PGAP4: variants seen among roughly 807,000 people sequenced by gnomAD.
The protein encoded by PGAP4 is GPI-N-acetylgalactosamine transferase PGAP4.
In PGAP4, 12 loss-of-function variants were observed where a neutral mutation model predicts 28.2. That is an observed-to-expected ratio of 0.42 (90% CI 0.27 to 0.69). PGAP4 has a LOEUF of 0.69. Among genes scored for constraint, PGAP4 ranks in the 30% least tolerant of loss-of-function variants. PGAP4 has a pLI of 0.22. For missense variants in PGAP4, 425 were observed against 513.5 expected, an observed-to-expected ratio of 0.83 and a Z score of 1.67; for synonymous variants, 205 against 211.8, an observed-to-expected ratio of 0.97 and a Z score of 0.28.
chr9:101,508,082 C>T (rs1826863513), intron 2 of PGAP4, among the ~76,000 whole-genome samples: 1 of 151,412 alleles, frequency 6.6e-6, no homozygotes, highest in South Asian at 2.1e-4. Context: ...CATTATTTCC[C>T]ATCTTGATTT....
At chr9:101,477,615 T>A (rs1826365213) in intron 1 of PGAP4, among the ~76,000 whole-genome samples, 1 of 152,198 alleles carries the variant, frequency 6.6e-6, no homozygotes, top group Non-Finnish European at 1.5e-5. Context: ...AAATACTTGT[T>A]GATTAACTGT....
chr9:101,514,454 A>G (rs192625364), intron 2 of PGAP4, among the ~76,000 whole-genome samples: 1 of 152,210 alleles, frequency 6.6e-6, no homozygotes, highest in African/African-American at 2.4e-5. Flanking sequence ...AAAATTTTAT[A>G]AGTCAGATTA....
intron 2 of PGAP4, among the ~76,000 whole-genome samples, chr9:101,513,865 C>T (rs1826919701): frequency 6.6e-6 from 1 of 152,118 alleles, no homozygotes; most frequent in Admixed American, 6.6e-5. Flanking sequence ...AATTCTCAGT[C>T]CAAGGCTGAA....
intron 2 of PGAP4, among the ~76,000 whole-genome samples, chr9:101,516,602 T>C (rs369288053): frequency 5.9e-5 from 9 of 152,342 alleles, no homozygotes; most frequent in African/African-American, 1.2e-4. Flanking sequence ...TAAAATATGT[T>C]GATATGACTT....
intron 2 of PGAP4, among the ~76,000 whole-genome samples, chr9:101,502,050 G>T (rs368029233): frequency 2.6e-5 from 4 of 152,256 alleles, no homozygotes; most frequent in African/African-American, 2.4e-5. Context: ...CAAATGTCCA[G>T]CTTAGAGTCG....
At chr9:101,487,653 A>G (rs1826645817), upstream of PGAP4, among the ~76,000 whole-genome samples, 1 of 152,204 alleles carries the variant, frequency 6.6e-6, no homozygotes, top group African/African-American at 2.4e-5. Context: ...ACACAATTGT[A>G]CGGCCTTACT....
intron 1 of PGAP4, 101 bp from the exon 2 acceptor site, chr9:101,477,270 C>G (rs1261819272): frequency 7.2e-6 from 6 of 834,784 alleles, no homozygotes; most frequent in Non-Finnish European, 1.0e-5. Flanking sequence ...CAGCACATAT[C>G]AAACCAGAAA....
intron 2 of PGAP4, among the ~76,000 whole-genome samples, chr9:101,502,943 T>G (rs1430774686): frequency 6.6e-6 from 1 of 152,044 alleles, no homozygotes. Flanking sequence ...TTGATAAAAA[T>G]ATTTTTCAGT....
intron 2 of PGAP4, among the ~76,000 whole-genome samples, chr9:101,501,149 A>G (rs999144479): frequency 6.6e-6 from 1 of 152,126 alleles, no homozygotes; most frequent in African/African-American, 2.4e-5. Context: ...CAGGATATCC[A>G]GCATGAAGCC....
rs551121223 is a variant in PGAP4, at chr9:101,519,871, T to G, written c.-165+11477A>C. Among the ~76,000 whole-genome samples, 22 of 152,306 alleles carry G rather than the reference T, an allele frequency of 1.4e-4. No individual in the cohort carries two copies. In the South Asian group the frequency reaches 4.1e-3, roughly 29 times the overall value. On this transcript the variant is annotated intron_variant, in intron 2 of 3. Transcript: ENST00000374851. ...GGTTTCAGGTCTTAGGTTTAAGAGCTTAATCCATCTTGGGTTGATTTTGTA... is the reference window on the plus strand; with the variant it reads ...GGTTTCAGGTCTTAGGTTTAAGAGCGTAATCCATCTTGGGTTGATTTTGTA...
At chr9:101,514,829 G>A (rs1826929915) in intron 2 of PGAP4, among the ~76,000 whole-genome samples, 1 of 152,114 alleles carries the variant, frequency 6.6e-6, no homozygotes, top group African/African-American at 2.4e-5. Context: ...TTGATCAGGT[G>A]TGAACCATTT....
At position 101,476,869 on chromosome 9, in the gene PGAP4, G is replaced by C; in HGVS notation, c.224C>G (p.Ala75Gly). 6.2e-7 allele frequency: 1 copy of C among 1,611,696 alleles called. No individual in the cohort carries two copies. The highest frequency in any genetic ancestry group is 8.5e-7 in the Non-Finnish European group (1 of 1,178,796). Residue 75 changes from alanine to glycine, a missense_variant, in exon 2 of 2, where the codon GCT (alanine) becomes GGT (glycine). Transcript: ENST00000374848. The surrounding 1 kb of genome is among the most constrained non-coding windows in gnomAD (Gnocchi z 7.0). ...FLQQSLKEGE[A>G]ALHYFEELPS... The stretch of plus-strand genomic sequence containing the variant: ...AAGCTCCTCAAAATAGTGGAGGGCA[G>C]CCTCACCCTCTTTCAAGCTTTGCTG...
At chr9:101,505,684 T>G (rs1826843325) in intron 2 of PGAP4, among the ~76,000 whole-genome samples, 1 of 152,102 alleles carries the variant, frequency 6.6e-6, no homozygotes, top group Non-Finnish European at 1.5e-5. Flanking sequence ...TTAAAGAATT[T>G]TCCAAACCTA....
Position 101,476,835 on chromosome 9 carries a change from G to T in PGAP4, c.258C>A (p.Ala86=), listed in dbSNP as rs748865082. The T allele has an allele frequency of 1.9e-6, 3 of 1,608,914 alleles. No individual in the cohort carries two copies. The East Asian group carries it at 6.7e-5, about 36-fold the overall frequency. ...ALHYFEELPS[A]NGSVPIVWQA... ...GCCAGACAATGGGCACTGAGCCATT[G>T]GCAGAGGGAAGCTCCTCAAAATAGT... is the stretch of plus-strand genomic sequence containing the variant. Residue 86 remains alanine, a synonymous_variant, in exon 2 of 2, where the codon GCC becomes GCA. Coordinates refer to ENST00000374848, the MANE Select transcript of PGAP4 (RefSeq NM_032342.3). This position sits in a 1 kb window ranked among gnomAD's most constrained non-coding sequence, Gnocchi z 7.0.
intron 2 of PGAP4, among the ~76,000 whole-genome samples, chr9:101,494,194 A>G (rs1276836482): frequency 2.0e-5 from 3 of 152,006 alleles, no homozygotes; most frequent in Non-Finnish European, 4.4e-5. Flanking sequence ...ACATTTAAAA[A>G]TATGACATTT....
At position 101,476,315 on chromosome 9, in the gene PGAP4, T is replaced by C; in HGVS notation, c.778A>G (p.Met260Val). 1 of 1,613,996 alleles carries C rather than the reference T, an allele frequency of 6.2e-7. No homozygotes were observed. Among genetic ancestry groups the C allele is most frequent in the Non-Finnish European group, 8.5e-7 (1 of 1,179,990 alleles). ...RLQHYINPEP[M>V]RILEWVGVGM... ...ACACCAACCCATTCCAGGATCCGCA[T>C]GGGCTCTGGATTGATGTAGTGCTGG... The change falls in exon 2 of 2, where the codon ATG becomes GTG. Residue 260 changes from methionine to valine, a missense_variant. By Grantham distance (21) the Met-to-Val change is conservative. Transcript: ENST00000374848. This position sits in a 1 kb window ranked among gnomAD's most constrained non-coding sequence, Gnocchi z 7.0.
chr9:101,523,619 CTTTTTTTTTTTTTTTTTTTT>C lies in PGAP4; in HGVS notation c.-165+7709_-165+7728del, dbSNP rs71356369. 7.5e-3 allele frequency among the ~76,000 whole-genome samples: 446 copies of C among 59,396 alleles called. 8 individuals are homozygous for C. Among genetic ancestry groups the C allele is most frequent in the African/African-American group, 0.026 (373 of 14,164 alleles). 39.0% of individuals were successfully genotyped at this position (59,396 alleles called of 152,430 possible). On this transcript the variant is annotated intron_variant, in intron 2 of 3. Transcript: ENST00000374851. ...ACATTTCTCCCCTCACTTCTTGTATCTTTTTTTTTTTTTTTTTTTTTTTTTTTTTTTTTGGATTTCCTTGC... is the reference window on the plus strand; with the variant it reads ...ACATTTCTCCCCTCACTTCTTGTATCTTTTTTTTTTTTTGGATTTCCTTGC...
chr9:101,521,690 T>G (rs1468163701), intron 2 of PGAP4, among the ~76,000 whole-genome samples: 8 of 152,102 alleles, frequency 5.3e-5, no homozygotes, highest in African/African-American at 1.7e-4. Flanking sequence ...TTGTATTTTT[T>G]GTTTGTTTGT....
In PGAP4 at chr9:101,486,038, C is replaced by G. The variant is rs890767939; in HGVS notation, c.-78+911G>C. The stretch of plus-strand genomic sequence containing the variant: ...CATCATTGGAGCCGCCCTGCGGTCC[C>G]CCGGAGAGAGCCTGGGCCGAGCAGA... On this transcript the variant is annotated intron_variant, in intron 1 of 1. Coordinates refer to ENST00000374848, the MANE Select transcript of PGAP4 (RefSeq NM_032342.3). This position sits in a 1 kb window ranked among gnomAD's most constrained non-coding sequence, Gnocchi z 4.7. Among the ~76,000 whole-genome samples the G allele has an allele frequency of 1.3e-5, 2 of 152,282 alleles. No homozygotes were observed. The highest frequency in any genetic ancestry group is 1.5e-5 in the Non-Finnish European group (1 of 68,014).
Sources: gnomAD v4.1 joint callset for allele counts (sites outside exome capture counted in the v4.1 genomes callset) on GRCh38, gnomAD v4.1.1 for gene constraint, Gnocchi (gnomAD v3.1) non-coding constraint, MANE v1.5 for transcripts, NCBI Gene and HGNC (gene_info 2026-07-23, HGNC 2026-07-21) for gene names.